The following TASP1 variants were observed in gnomAD, a reference collection of about 807,000 sequenced individuals.
TASP1 encodes the protein taspase 1.
Under a neutral mutation model 56.6 loss-of-function variants are expected in TASP1, and 16 were observed. That is an observed-to-expected ratio of 0.28 (90% CI 0.19 to 0.43). The LOEUF is 0.43. Among genes scored for constraint, TASP1 ranks in the 20% least tolerant of loss-of-function variants. TASP1 has a pLI of 1.00. For missense variants in TASP1, 393 were observed against 511.6 expected, an observed-to-expected ratio of 0.77 and a Z score of 2.24; for synonymous variants, 179 against 184.2, an observed-to-expected ratio of 0.97 and a Z score of 0.23.
At chr20:13,179,553 T>C in the TASP1 span, among the ~76,000 whole-genome samples, 1 of 152,046 alleles carries the variant, frequency 6.6e-6, no homozygotes, top group Non-Finnish European at 1.5e-5. Context: ...ATGCCTTTAT[T>C]TGAAGTCCCC....
chr20:13,351,212 A>G, the TASP1 span, among the ~76,000 whole-genome samples: 2 of 152,220 alleles, frequency 1.3e-5, no homozygotes, highest in Admixed American at 1.3e-4. Context: ...ACTGGAACTC[A>G]CATGCATTGC....
At chr20:13,139,524 A>G in the TASP1 span, among the ~76,000 whole-genome samples, 1 of 152,280 alleles carries the variant, frequency 6.6e-6, no homozygotes, top group African/African-American at 2.4e-5. Context: ...TTGCTGACAA[A>G]GGGGTAAGAA....
chr20:13,288,738 T>C, the TASP1 span: 3 of 1,527,628 alleles, frequency 2.0e-6, no homozygotes, highest in South Asian at 3.5e-5. Flanking sequence ...TTTTAATTTA[T>C]CATTAAAAAC....
At chr20:13,471,345 T>C (rs1248779134) in intron 11 of TASP1, among the ~76,000 whole-genome samples, 6 of 152,190 alleles carry the variant, frequency 3.9e-5, no homozygotes, top group Non-Finnish European at 7.3e-5. Flanking sequence ...CTACTGACTA[T>C]CATGTCTACA....
the TASP1 span, among the ~76,000 whole-genome samples, chr20:13,222,316 T>A: frequency 6.6e-6 from 1 of 152,260 alleles, no homozygotes; most frequent in Admixed American, 6.5e-5. Context: ...AAGGAGACTT[T>A]ATAGGATGAT....
the TASP1 span, among the ~76,000 whole-genome samples, chr20:13,203,857 G>A: frequency 2.0e-4 from 30 of 152,298 alleles, no homozygotes; most frequent in Non-Finnish European, 4.1e-4. Context: ...GGCTGATTCA[G>A]AGTAAGAAAT....
the TASP1 span, among the ~76,000 whole-genome samples, chr20:13,143,008 A>T: frequency 2.6e-5 from 4 of 152,204 alleles, no homozygotes; most frequent in African/African-American, 7.2e-5. Context: ...TTACTGGTGA[A>T]CATCTCTGAA....
the TASP1 span, among the ~76,000 whole-genome samples, chr20:13,266,208 A>G: frequency 1.3e-5 from 2 of 152,224 alleles, no homozygotes; most frequent in Non-Finnish European, 2.9e-5. Context: ...AGTAAGAAAA[A>G]GAGGGGACTA....
chr20:13,390,532 G>T, intron 13 of TASP1, 80 bp from the exon 14 acceptor site: 1 of 1,304,102 alleles, frequency 7.7e-7, no homozygotes, highest in South Asian at 1.2e-5. Flanking sequence ...TCCAAAAAAG[G>T]TGGAGGAAAC....
chr20:13,418,170 C>A (rs2042323352), intron 12 of TASP1, among the ~76,000 whole-genome samples: 2 of 152,156 alleles, frequency 1.3e-5, no homozygotes, highest in Non-Finnish European at 2.9e-5. Flanking sequence ...CCTTGGCCTC[C>A]CAAAGTGCTG....
At chr20:13,418,810 G>A (rs374870747) in intron 12 of TASP1, among the ~76,000 whole-genome samples, 7 of 152,308 alleles carry the variant, frequency 4.6e-5, no homozygotes, top group African/African-American at 1.7e-4. Context: ...CACTTCTGTG[G>A]TATTTGGTAT....
rs2044546246 is a variant in TASP1, at chr20:13,516,659, T to A, written c.874+11774A>T. On this transcript the variant is annotated intron_variant, in intron 10 of 13. Transcript: ENST00000337743. ...CTCATCACTTGATCTTACGCCTTTG[T>A]TTTTTTTTTTTTTTTTTTTTAACAT... is the stretch of plus-strand genomic sequence containing the variant. 1.9e-4 allele frequency among the ~76,000 whole-genome samples: 4 copies of A among 20,674 alleles called. No individual in the cohort carries two copies. In the East Asian group the frequency reaches 4.8e-3, roughly 25 times the overall value. The allele number at this position is 20,674 out of a possible 152,430, so 13.6% of individuals were successfully genotyped here. A position where few individuals can be genotyped will look rare whatever the true frequency, so the allele number is the denominator to read the frequency against.
At chr20:13,170,986 T>C in the TASP1 span, among the ~76,000 whole-genome samples, 1 of 152,204 alleles carries the variant, frequency 6.6e-6, no homozygotes, top group Admixed American at 6.5e-5. Flanking sequence ...TGAATAAGGC[T>C]CTGTGTGTGA....
At chr20:13,211,038 T>C in the TASP1 span, among the ~76,000 whole-genome samples, 1 of 138,436 alleles carries the variant, frequency 7.2e-6, no homozygotes, top group African/African-American at 2.8e-5. Context: ...TTATACAATA[T>C]GTAAAACAAG....
chr20:13,254,334 T>A, the TASP1 span, among the ~76,000 whole-genome samples: 1 of 152,150 alleles, frequency 6.6e-6, no homozygotes, highest in Admixed American at 6.6e-5. Flanking sequence ...TATGTGTATA[T>A]ATAAGTATAA....
intron 9 of TASP1, among the ~76,000 whole-genome samples, chr20:13,531,857 T>A (rs780856987): frequency 3.3e-5 from 5 of 152,148 alleles, no homozygotes; most frequent in Non-Finnish European, 7.4e-5. Context: ...TAGAGATGGG[T>A]GTCACCATGT....
At chr20:13,563,064 CACAT>C (rs1271452469) in intron 7 of TASP1, among the ~76,000 whole-genome samples, 11 of 148,172 alleles carry the variant, frequency 7.4e-5, no homozygotes, top group Admixed American at 5.4e-4. Flanking sequence ...AACACACACA[CACAT>C]ATATATGTAT....
At chr20:13,293,517 T>G in the TASP1 span, among the ~76,000 whole-genome samples, 12 of 151,948 alleles carry the variant, frequency 7.9e-5, no homozygotes, top group Non-Finnish European at 1.6e-4. Context: ...TTTTTTTTCA[T>G]AGCCCTGCAA....
At chr20:13,540,259 AATG>A (rs1167455919) in intron 8 of TASP1, among the ~76,000 whole-genome samples, 3 of 152,350 alleles carry the variant, frequency 2.0e-5, no homozygotes, top group Admixed American at 6.5e-5. Context: ...TTAAATATTT[AATG>A]ATAAGTATGT....
Sources: allele counts gnomAD v4.1 joint callset (sites outside exome capture counted in the v4.1 genomes callset), GRCh38; gene constraint gnomAD v4.1.1; transcripts MANE v1.5; gene names NCBI Gene and HGNC (gene_info 2026-07-23, HGNC 2026-07-21).